Variants in SLC16A7 observed in about 807,000 individuals in gnomAD.
SLC16A7 encodes monocarboxylate transporter 2.
In SLC16A7, 33 loss-of-function variants were observed where a neutral mutation model predicts 34.9. That is an observed-to-expected ratio of 0.94 (90% CI 0.72 to 1.26). The LOEUF (loss-of-function observed/expected upper bound fraction) is 1.26. SLC16A7 is among the 50% of genes most tolerant of loss of function. SLC16A7 has a pLI of 0.00. For missense variants in SLC16A7, 573 were observed against 578.1 expected (o/e 0.99, Z 0.09); for synonymous variants, 201 against 206.6 (o/e 0.97, Z 0.23).
At chr12:59,600,858 A>G (rs1878647817) in intron 1 of SLC16A7, among the ~76,000 whole-genome samples, 1 of 152,172 alleles carries the variant, frequency 6.6e-6, no homozygotes, top group Admixed American at 6.6e-5. Context: ...TTCTGACCTA[A>G]TACTAAAACT....
At chr12:59,761,217 ATTG>A in intron 3 of SLC16A7, 4 of 1,051,182 alleles carry the variant, frequency 3.8e-6, no homozygotes, top group Non-Finnish European at 5.2e-6. Context: ...ATGAAACTGT[ATTG>A]TTAAATACTT....
intron 1 of SLC16A7, among the ~76,000 whole-genome samples, chr12:59,642,949 G>A (rs1047479291): frequency 1.3e-5 from 2 of 152,100 alleles, no homozygotes; most frequent in Non-Finnish European, 2.9e-5. Flanking sequence ...TTATTGTAGA[G>A]CCATAGATTA....
At chr12:59,685,418 C>T (rs147824370) in intron 2 of SLC16A7, among the ~76,000 whole-genome samples, 25 of 151,960 alleles carry the variant, frequency 1.6e-4, no homozygotes, top group African/African-American at 3.4e-4. Context: ...TTTTTTTGAT[C>T]CTTTATAGGA....
At chr12:59,708,347 T>A (rs1334718224) in intron 3 of SLC16A7, among the ~76,000 whole-genome samples, 2 of 152,118 alleles carry the variant, frequency 1.3e-5, no homozygotes, top group Non-Finnish European at 2.9e-5. Flanking sequence ...TTCAGAAACT[T>A]GCATTTTAAC....
intron 2 of SLC16A7, among the ~76,000 whole-genome samples, chr12:59,678,295 T>C (rs1870471520): frequency 6.6e-6 from 1 of 152,182 alleles, no homozygotes; most frequent in Non-Finnish European, 1.5e-5. Flanking sequence ...GTTTTTGTCC[T>C]GTGTCCAGGA....
chr12:59,702,545 A>G (rs1308065194), intron 2 of SLC16A7, among the ~76,000 whole-genome samples: 1 of 152,054 alleles, frequency 6.6e-6, no homozygotes, highest in Admixed American at 6.6e-5. Context: ...GCTTTGCCCC[A>G]ATTACTGTGA....
At chr12:59,622,734 G>A (rs1879748004) in intron 1 of SLC16A7, among the ~76,000 whole-genome samples, 1 of 151,692 alleles carries the variant, frequency 6.6e-6, no homozygotes, top group African/African-American at 2.4e-5. Flanking sequence ...TTTTATATTT[G>A]ACAATATCCA....
chr12:59,773,374 A>C (rs754550508), intron 4 of SLC16A7, among the ~76,000 whole-genome samples: 7 of 152,058 alleles, frequency 4.6e-5, no homozygotes, highest in Admixed American at 6.6e-5. Context: ...AAAGGGTTGG[A>C]GTATTTGTAC....
At chr12:59,626,159 T>C (rs570301955) in intron 1 of SLC16A7, among the ~76,000 whole-genome samples, 2 of 151,910 alleles carry the variant, frequency 1.3e-5, no homozygotes, top group Admixed American at 6.6e-5. Flanking sequence ...ATAATCTTAA[T>C]TTTTTTATGT....
intron 2 of SLC16A7, among the ~76,000 whole-genome samples, chr12:59,691,443 A>G (rs1443050603): frequency 1.3e-5 from 2 of 152,046 alleles, no homozygotes; most frequent in South Asian, 2.1e-4. Context: ...ACTCCAGAAC[A>G]TGAAGATAAT....
intron 1 of SLC16A7, among the ~76,000 whole-genome samples, chr12:59,627,162 T>G (rs1045980859): frequency 6.6e-6 from 1 of 151,856 alleles, no homozygotes; most frequent in Non-Finnish European, 1.5e-5. Flanking sequence ...GTGCTACGCT[T>G]TATACATTGA....
intron 1 of SLC16A7, among the ~76,000 whole-genome samples, chr12:59,637,263 A>G (rs1269607266): frequency 1.3e-5 from 2 of 152,132 alleles, no homozygotes; most frequent in African/African-American, 4.8e-5. Flanking sequence ...ACAAAGTGTT[A>G]TTCTCAAATC....
intron 2 of SLC16A7, among the ~76,000 whole-genome samples, chr12:59,703,159 T>C (rs774584584): frequency 6.6e-5 from 10 of 152,076 alleles, no homozygotes; most frequent in Non-Finnish European, 1.5e-4. Flanking sequence ...GATAAGTAAT[T>C]TGAACTCTTG....
At chr12:59,613,671 C>A (rs1565618128) in intron 1 of SLC16A7, among the ~76,000 whole-genome samples, 1 of 151,966 alleles carries the variant, frequency 6.6e-6, no homozygotes, top group East Asian at 1.9e-4. Context: ...TACATACTAC[C>A]CACTCAATGG....
intron 3 of SLC16A7, among the ~76,000 whole-genome samples, chr12:59,754,695 C>G (rs1399295450): frequency 4.6e-5 from 7 of 152,270 alleles, no homozygotes; most frequent in Admixed American, 2.0e-4. Flanking sequence ...GGAACTGGTA[C>G]CATTCCTTCT....
intron 2 of SLC16A7, among the ~76,000 whole-genome samples, chr12:59,675,941 G>T (rs1367099644): frequency 2.0e-5 from 3 of 151,956 alleles, no homozygotes; most frequent in Non-Finnish European, 4.4e-5. Flanking sequence ...ATAGCCAAAT[G>T]ACTAAATATT....
At chr12:59,643,344 A>C (rs1880769540) in intron 1 of SLC16A7, among the ~76,000 whole-genome samples, 1 of 152,130 alleles carries the variant, frequency 6.6e-6, no homozygotes, top group Non-Finnish European at 1.5e-5. Flanking sequence ...TATACATATA[A>C]GTTTTCGGCA....
chr12:59,713,171 G>A (rs1425084534), intron 3 of SLC16A7, among the ~76,000 whole-genome samples: 5 of 151,416 alleles, frequency 3.3e-5, no homozygotes, highest in Non-Finnish European at 3.0e-5. Context: ...AGGCACCCAC[G>A]ACCACACCCA....
chr12:59,655,693 A>G (rs1868499632), intron 2 of SLC16A7, among the ~76,000 whole-genome samples: 1 of 151,930 alleles, frequency 6.6e-6, no homozygotes, highest in African/African-American at 2.4e-5. Context: ...TTGAACAAAA[A>G]TGATCATATT....
Sources: allele counts gnomAD v4.1 joint callset (sites outside exome capture counted in the v4.1 genomes callset), GRCh38; gene constraint gnomAD v4.1.1; transcripts MANE v1.5; gene names NCBI Gene and HGNC (gene_info 2026-07-23, HGNC 2026-07-21).